The following USP49 variants were observed in gnomAD, a reference collection of about 807,000 sequenced individuals.
USP49 encodes ubiquitin specific peptidase 49.
A neutral mutation model predicts 58.6 loss-of-function variants in USP49; 24 were observed. The ratio of observed to expected loss-of-function variants is 0.41; its 90% confidence interval spans 0.30 to 0.58. The LOEUF (loss-of-function observed/expected upper bound fraction) is 0.58. Ranked by LOEUF, USP49 falls within the 20% of genes least tolerant of loss-of-function variation. The pLI is 0.30. For synonymous variants in USP49, 408 were observed against 365.1 expected, an observed-to-expected ratio of 1.12 and a Z score of -1.34; for missense variants, 703 against 866.1, an observed-to-expected ratio of 0.81 and a Z score of 2.36.
chr6:41,884,174 C>A (rs1322148605), intron 2 of USP49, among the ~76,000 whole-genome samples: 1 of 152,118 alleles, frequency 6.6e-6, no homozygotes, highest in Non-Finnish European at 1.5e-5. Flanking sequence ...CAGGTGCGCA[C>A]CACCACACCC....
At chr6:41,883,793 C>T (rs984940159) in intron 2 of USP49, among the ~76,000 whole-genome samples, 9 of 151,932 alleles carry the variant, frequency 5.9e-5, no homozygotes, top group Non-Finnish European at 1.0e-4. Flanking sequence ...GTACTTATGC[C>T]GCAATGCCAC....
intron 3 of USP49, among the ~76,000 whole-genome samples, chr6:41,848,366 G>T (rs1438701493): frequency 6.6e-6 from 1 of 151,862 alleles, no homozygotes; most frequent in African/African-American, 2.4e-5. Context: ...CCTCCCTATT[G>T]GTAGCCTATG....
At chr6:41,892,238 CAAAT>C (rs1448066839) in intron 1 of USP49, among the ~76,000 whole-genome samples, 2 of 152,130 alleles carry the variant, frequency 1.3e-5, no homozygotes, top group Non-Finnish European at 2.9e-5. Context: ...TTACCAATAT[CAAAT>C]AAGTCTATAA....
intron 5 of USP49, among the ~76,000 whole-genome samples, chr6:41,801,091 C>T (rs1772989037): frequency 6.6e-6 from 1 of 152,188 alleles, no homozygotes; most frequent in Admixed American, 6.5e-5. Flanking sequence ...CCCACTGTGC[C>T]CAGCCTTGAG....
Position 41,796,520 on chromosome 6 carries a change from A to T in USP49, c.*13T>A, listed in dbSNP as rs1330177531. The T allele has an allele frequency of 1.4e-6, 1 of 716,742 alleles. No individual in the cohort carries two copies. The allele number at this position is 716,742 out of a possible 1,614,324, so 44.4% of individuals were successfully genotyped here. A position where few individuals can be genotyped will look rare whatever the true frequency, so the allele number is the denominator to read the frequency against. ...CAATACACAAAAGCCAGTCTTTGAT[A>T]CATGCCTCCCATTCAGGAAAATGTC... is the stretch of plus-strand genomic sequence containing the variant. On this transcript the variant is annotated 3_prime_UTR_variant, in exon 8 of 8. Coordinates refer to ENST00000682992, the MANE Select transcript of USP49 (RefSeq NM_001286554.2).
At chr6:41,850,225 C>A (rs901817860) in intron 3 of USP49, among the ~76,000 whole-genome samples, 15 of 151,860 alleles carry the variant, frequency 9.9e-5, no homozygotes, top group Non-Finnish European at 1.5e-4. Context: ...GGCGGATCAC[C>A]TGAGGTCAGG....
chr6:41,891,042 G>A (rs1392548817), intron 2 of USP49, among the ~76,000 whole-genome samples: 1 of 152,140 alleles, frequency 6.6e-6, no homozygotes, highest in Non-Finnish European at 1.5e-5. Flanking sequence ...TAATCGTTAC[G>A]GTGTTTACCC....
chr6:41,796,605 G>A lies in USP49; in HGVS notation c.1995C>T (p.Ile665=). The change falls in exon 8 of 8, where the codon ATC becomes ATT. Residue 665 remains isoleucine, a synonymous_variant. Transcript: ENST00000682992. ...TQRTVQGNAR[I]SETHLQAQVQ... ...CCTGAGCTTGGAGATGGGTTTCTGA[G>A]ATTCTTGCATTGCCCTGCACTGTTC... The A allele has an allele frequency of 1.4e-6, 1 of 717,508 alleles. No homozygotes were observed. Among genetic ancestry groups the A allele is most frequent in the Non-Finnish European group, 2.6e-6 (1 of 385,108 alleles). The allele number at this position is 717,508 out of a possible 1,614,324, so 44.4% of individuals were successfully genotyped here. A position where few individuals can be genotyped will look rare whatever the true frequency, so the allele number is the denominator to read the frequency against.
In USP49 at chr6:41,806,326, C is replaced by A; in HGVS notation, c.658G>T (p.Gly220Cys). ...RLLLHTPRDA[G>C]PAASRPAALP... Reference sequence around the variant, plus strand: ...GCGGCGGGGCGCGAGGCAGCCGGGCCCGCGTCGCGGGGCGTGTGCAGGAGC... The same window carrying A: ...GCGGCGGGGCGCGAGGCAGCCGGGCACGCGTCGCGGGGCGTGTGCAGGAGC... The change falls in exon 4 of 8, where the codon GGC becomes TGC. Residue 220 changes from glycine (G) to cysteine (C), a missense_variant. By Grantham distance (159) the Gly-to-Cys change is radical. Around this residue, in one of 6 missense-constraint regions of USP49, gnomAD observed 376 missense variants for 373.5 expected, o/e 1.01. Transcript: ENST00000682992. The surrounding 1 kb of genome is among the most constrained non-coding windows in gnomAD (Gnocchi z 5.9). 1 of 1,538,424 alleles carries A rather than the reference C, an allele frequency of 6.5e-7. No homozygotes were observed. Among genetic ancestry groups the A allele is most frequent in the Non-Finnish European group, 8.7e-7 (1 of 1,152,460 alleles).
rs1389552704 is a variant in USP49 at position 41,810,304 on chromosome 6, AAC to A, written c.-28-3295_-28-3294del. ...GAGACCAGCCTAGCCAACATGGTGA[AAC>A]CCCGTCTCTACTAAAAAAAAAAACA... On this transcript the variant is annotated intron_variant, in intron 3 of 7. Coordinates refer to ENST00000682992, the MANE Select transcript of USP49 (RefSeq NM_001286554.2). Among the ~76,000 whole-genome samples the A allele has an allele frequency of 2.7e-5, 4 of 150,764 alleles. No individual in the cohort carries two copies. The East Asian group carries it at 7.9e-4, about 30-fold the overall frequency.
chr6:41,860,792 G>A (rs1273461536), intron 3 of USP49, among the ~76,000 whole-genome samples: 2 of 152,026 alleles, frequency 1.3e-5, no homozygotes, highest in Non-Finnish European at 2.9e-5. Flanking sequence ...TTACAGGTGT[G>A]AGCCACCGCG....
intron 3 of USP49, among the ~76,000 whole-genome samples, chr6:41,807,844 G>A (rs1335857017): frequency 2.0e-5 from 3 of 151,418 alleles, no homozygotes; most frequent in African/African-American, 7.3e-5. Context: ...TGCAGTCTCA[G>A]CTCACTGCAA....
At chr6:41,802,481 T>TTTATTTTATTTTA in intron 5 of USP49, among the ~76,000 whole-genome samples, 1 of 72,262 alleles carries the variant, frequency 1.4e-5, no homozygotes, top group African/African-American at 6.2e-5. Flanking sequence ...TTTTATTTAT[T>TTTATTTTATTTTA]TTTTTTTTTT....
At chr6:41,856,292 G>A (rs1008851045) in intron 3 of USP49, among the ~76,000 whole-genome samples, 4 of 149,750 alleles carry the variant, frequency 2.7e-5, no homozygotes, top group African/African-American at 7.4e-5. Flanking sequence ...GGAGAATGGC[G>A]TGAACTCGGG....
intron 7 of USP49, chr6:41,797,820 A>G (rs999537983): frequency 2.0e-6 from 2 of 985,164 alleles, no homozygotes; most frequent in African/African-American, 3.5e-5. Flanking sequence ...TAATACTACA[A>G]TATCCTCTAA....
intron 3 of USP49, among the ~76,000 whole-genome samples, chr6:41,858,744 C>T (rs1039343967): frequency 2.0e-5 from 3 of 152,118 alleles, no homozygotes; most frequent in Admixed American, 1.3e-4. Flanking sequence ...GTTTCCTTCT[C>T]AGTGAAGCCT....
intron 3 of USP49, among the ~76,000 whole-genome samples, chr6:41,862,150 G>A (rs1358234390): frequency 6.6e-6 from 1 of 152,052 alleles, no homozygotes. Flanking sequence ...ATCTATCATG[G>A]GACACTTACA....
chr6:41,853,401 A>G (rs1378614487), intron 3 of USP49, among the ~76,000 whole-genome samples: 2 of 152,248 alleles, frequency 1.3e-5, no homozygotes, highest in Non-Finnish European at 2.9e-5. Context: ...TTTAATGCGT[A>G]TAGAGTTTCA....
chr6:41,806,060 G>A lies in USP49; in HGVS notation c.924C>T (p.Thr308=). 6.2e-7 allele frequency: 1 copy of A among 1,614,066 alleles called. No homozygotes were observed. The highest frequency in any genetic ancestry group is 8.5e-7 in the Non-Finnish European group (1 of 1,180,030). Residue 308 remains threonine (T), a synonymous_variant, in exon 4 of 8, where the codon ACC becomes ACT. Coordinates refer to ENST00000682992, the MANE Select transcript of USP49 (RefSeq NM_001286554.2). The surrounding 1 kb of genome is among the most constrained non-coding windows in gnomAD (Gnocchi z 5.9). ...NGKTQLSGKP[T]NSSATELSLR... ...AGGACAGCTCCGTGGCCGAGCTGTT[G>A]GTTGGCTTGCCAGAAAGCTGAGTCT...
Sources: allele counts gnomAD v4.1 joint callset (sites outside exome capture counted in the v4.1 genomes callset), GRCh38; gene constraint gnomAD v4.1.1; regional missense constraint gnomAD v4.1.1; non-coding constraint Gnocchi (gnomAD v3.1); transcripts MANE v1.5; gene names NCBI Gene and HGNC (gene_info 2026-07-23, HGNC 2026-07-21).